HECTD2: variants seen among roughly 807,000 people sequenced by gnomAD.
The protein encoded by HECTD2 is probable E3 ubiquitin-protein ligase HECTD2.
HECTD2 carries 35 observed loss-of-function variants against 103.2 expected under a neutral mutation model. That is an observed-to-expected ratio of 0.34 (90% CI 0.26 to 0.45). The LOEUF (loss-of-function observed/expected upper bound fraction) is 0.45. Among genes scored for constraint, HECTD2 ranks in the 20% least tolerant of loss-of-function variants. The probability of loss-of-function intolerance (pLI) is 1.00; values close to 1 mark genes in which losing one functional copy is unlikely to be tolerated. For synonymous variants in HECTD2, 281 were observed against 329.9 expected (o/e 0.85, Z 1.61); for missense variants, 596 against 937.4 (o/e 0.64, Z 4.76).
upstream of HECTD2, chr10:91,410,206 C>A: frequency 6.6e-6 from 1 of 151,918 alleles, no homozygotes; most frequent in South Asian, 2.0e-4. Context: ...GAGGCGAGAG[C>A]AAGAAACCTG....
chr10:91,511,826 G>A (rs926353171), intron 20 of HECTD2, among the ~76,000 whole-genome samples: 4 of 152,128 alleles, frequency 2.6e-5, no homozygotes, highest in Admixed American at 6.6e-5. Flanking sequence ...TGGCCCTGGG[G>A]TTGGGAACTC....
At position 91,513,814 on chromosome 10, in the gene HECTD2, T is replaced by G. The variant is rs1847515397; in HGVS notation, c.*1430T>G. The G allele has an allele frequency of 1.3e-5, 2 of 152,624 alleles. No individual in the cohort carries two copies. The highest frequency in any genetic ancestry group is 4.1e-4 in the South Asian group (2 of 4,836). 9.5% of individuals were successfully genotyped at this position (152,624 alleles called of 1,614,324 possible). A position where few individuals can be genotyped will look rare whatever the true frequency, so the allele number is the denominator to read the frequency against. On this transcript the variant is annotated 3_prime_UTR_variant, in exon 21 of 21. Transcript: ENST00000298068. ...TGCTTCCTGCACCCAACCAGCAGAA[T>G]TCTTCCAGGGTGGAGGAACTAATCA...
chr10:91,486,316 G>A (rs1299259082), intron 10 of HECTD2: 2 of 152,094 alleles, frequency 1.3e-5, no homozygotes, highest in African/African-American at 4.8e-5. Context: ...TCTTGGCAAT[G>A]TTTACTTTAC....
intron 5 of HECTD2, among the ~76,000 whole-genome samples, chr10:91,468,407 A>G (rs1371433413): frequency 6.6e-6 from 1 of 152,188 alleles, no homozygotes. Flanking sequence ...AAAAAAAATA[A>G]AATCCCATTC....
intron 13 of HECTD2, among the ~76,000 whole-genome samples, chr10:91,493,161 T>G (rs1281374096): frequency 2.0e-5 from 3 of 151,556 alleles, no homozygotes; most frequent in Non-Finnish European, 4.4e-5. Flanking sequence ...GTTTCTATCT[T>G]TTTACCCTGT....
chr10:91,438,767 A>G (rs1844253260), intron 2 of HECTD2, among the ~76,000 whole-genome samples: 1 of 152,154 alleles, frequency 6.6e-6, no homozygotes, highest in Non-Finnish European at 1.5e-5. Context: ...ACTGATCGCC[A>G]TTCTAACTGG....
At chr10:91,410,012 C>T (rs1020946229), upstream of HECTD2, among the ~76,000 whole-genome samples, 5 of 152,200 alleles carry the variant, frequency 3.3e-5, no homozygotes, top group Non-Finnish European at 4.4e-5. Flanking sequence ...ACTGCCCGTC[C>T]TTAGTCCAGG....
chr10:91,436,747 T>C (rs1844135784), intron 2 of HECTD2, among the ~76,000 whole-genome samples: 1 of 152,060 alleles, frequency 6.6e-6, no homozygotes, highest in Non-Finnish European at 1.5e-5. Context: ...CCTGATTCTG[T>C]GCCCTTTAAG....
At chr10:91,465,785 A>G (rs1396899758) in intron 5 of HECTD2, among the ~76,000 whole-genome samples, 1 of 152,120 alleles carries the variant, frequency 6.6e-6, no homozygotes, top group Non-Finnish European at 1.5e-5. Flanking sequence ...AATAAATCAC[A>G]CTTGGTTGTG....
intron 2 of HECTD2, among the ~76,000 whole-genome samples, chr10:91,433,100 A>G (rs770066075): frequency 2.0e-5 from 3 of 152,044 alleles, no homozygotes; most frequent in Non-Finnish European, 4.4e-5. Context: ...CTCCATCTAC[A>G]GGTTTCCTTA....
chr10:91,430,397 G>A (rs1022196635), intron 2 of HECTD2, among the ~76,000 whole-genome samples: 89 of 152,080 alleles, frequency 5.9e-4, no homozygotes, highest in Non-Finnish European at 1.1e-3. Context: ...TATTAGGTCC[G>A]CTTGGTGCAG....
chr10:91,478,177 C>T (rs1454886024), intron 5 of HECTD2, 24 bp from the exon 6 acceptor site: 3 of 1,535,282 alleles, frequency 2.0e-6, no homozygotes, highest in Non-Finnish European at 2.7e-6. Context: ...TCCTAATTAC[C>T]TTACTGTTTT....
intron 2 of HECTD2, among the ~76,000 whole-genome samples, chr10:91,439,029 C>T (rs1844267533): frequency 6.6e-6 from 1 of 152,138 alleles, no homozygotes; most frequent in African/African-American, 2.4e-5. Flanking sequence ...TGTAGGTTGC[C>T]TCTTCACTCT....
At chr10:91,506,915 G>T (rs1847206978) in intron 20 of HECTD2, among the ~76,000 whole-genome samples, 1 of 149,074 alleles carries the variant, frequency 6.7e-6, no homozygotes, top group Admixed American at 6.6e-5. Context: ...ACATCAAAAA[G>T]CTTCTCCACC....
chr10:91,465,906 A>G (rs1413386125), intron 5 of HECTD2, among the ~76,000 whole-genome samples: 1 of 152,028 alleles, frequency 6.6e-6, no homozygotes, highest in Non-Finnish European at 1.5e-5. Context: ...CTTTCTTGTA[A>G]TATCTTTCTC....
chr10:91,491,475 G>A (rs560468578), intron 12 of HECTD2, among the ~76,000 whole-genome samples, 168 bp downstream of exon 12: 60 of 152,244 alleles, frequency 3.9e-4, no homozygotes, highest in Non-Finnish European at 6.9e-4. Context: ...TGATACCATA[G>A]TTAAAATCAG....
At chr10:91,434,327 A>AGTACTGTACTAACCT (rs1844023587) in intron 2 of HECTD2, among the ~76,000 whole-genome samples, 1 of 152,034 alleles carries the variant, frequency 6.6e-6, no homozygotes, top group South Asian at 2.1e-4. Flanking sequence ...GCAGTACCAA[A>AGTACTGTACTAACCT]GTACTAAACT....
intron 2 of HECTD2, among the ~76,000 whole-genome samples, chr10:91,434,630 T>G (rs1367499132): frequency 6.6e-6 from 1 of 151,918 alleles, no homozygotes. Context: ...TTGTTCTTCT[T>G]TTTTTGGGAC....
rs117051037 is a variant in HECTD2 at position 91,467,666 on chromosome 10, G to A, written c.600+5482G>A. Among the ~76,000 whole-genome samples the A allele has an allele frequency of 2.3e-4, 34 of 146,032 alleles. No individual in the cohort carries two copies. In the East Asian group the frequency reaches 6.0e-3, roughly 26 times the overall value. On this transcript the variant is annotated intron_variant, in intron 5 of 20. Coordinates refer to ENST00000298068, the MANE Select transcript of HECTD2 (RefSeq NM_182765.6). Reference sequence around the variant, plus strand: ...ATCCCCCCATCAGAACCTCCCCTCCGTAGCTTTGCCAGCATGCATTTGTCC... The same window carrying A: ...ATCCCCCCATCAGAACCTCCCCTCCATAGCTTTGCCAGCATGCATTTGTCC...
Sources: gnomAD v4.1 joint callset for allele counts (sites outside exome capture counted in the v4.1 genomes callset) on GRCh38, gnomAD v4.1.1 for gene constraint, MANE v1.5 for transcripts, NCBI Gene and HGNC (gene_info 2026-07-23, HGNC 2026-07-21) for gene names.